Variants in C1QBP observed in about 807,000 individuals in gnomAD.
The protein encoded by C1QBP is complement C1q binding protein.
Under a neutral mutation model 29.4 loss-of-function variants are expected in C1QBP, and 24 were observed. That is an observed-to-expected ratio of 0.82 (90% CI 0.59 to 1.15). The LOEUF is 1.15. Ranked by LOEUF, C1QBP falls within the 50% of genes most tolerant of loss-of-function variation. The pLI is 0.00. For missense variants in C1QBP, 337 were observed against 355.8 expected, an observed-to-expected ratio of 0.95 and a Z score of 0.43; for synonymous variants, 182 against 149.2, an observed-to-expected ratio of 1.22 and a Z score of -1.60.
chr17:5,437,984 C>G, intron 2 of C1QBP, 139 bp downstream of exon 2: 1 of 1,216,996 alleles, frequency 8.2e-7, no homozygotes, highest in Non-Finnish European at 1.1e-6. Flanking sequence ...CGAAGTTGTC[C>G]AAATGAATCC....
intron 1 of C1QBP, 68 bp downstream of exon 1, chr17:5,438,774 G>C (rs1916341799): frequency 6.5e-7 from 1 of 1,543,962 alleles, no homozygotes; most frequent in Non-Finnish European, 8.7e-7. Flanking sequence ...TCGGTTGCAG[G>C]CCCTATTCCT....
chr17:5,432,793 A>G lies in C1QBP; in HGVS notation c.*222T>C, dbSNP rs533876489. On this transcript the variant is annotated 3_prime_UTR_variant, in exon 6 of 6. Coordinates refer to ENST00000225698, the MANE Select transcript of C1QBP (RefSeq NM_001212.4). The stretch of plus-strand genomic sequence containing the variant: ...CAAACTGCCTTGGAGGAGATAAACC[A>G]ATTTTATGTCTATCATGTTATACAA... 1.3e-6 allele frequency: 1 copy of G among 794,316 alleles called. No individual in the cohort carries two copies. The highest frequency in any genetic ancestry group is 1.7e-5 in the African/African-American group (1 of 57,492). 49.2% of individuals were successfully genotyped at this position (794,316 alleles called of 1,614,324 possible).
At chr17:5,433,918 A>G (rs1916184308) in intron 3 of C1QBP, 151 bp from the exon 4 acceptor site, 1 of 698,684 alleles carries the variant, frequency 1.4e-6, no homozygotes, top group African/African-American at 1.8e-5. Context: ...CCAAATGAAG[A>G]GCTTGATCTC....
chr17:5,432,892 G>T lies in C1QBP; in HGVS notation c.*123C>A. The T allele has an allele frequency of 8.7e-7, 1 of 1,146,090 alleles. No individual in the cohort carries two copies. The highest frequency in any genetic ancestry group is 1.2e-6 in the Non-Finnish European group (1 of 828,186). 71.0% of individuals were successfully genotyped at this position (1,146,090 alleles called of 1,614,324 possible). ...AACACAAAACATATAATTTAAATTTGGTATTTTTTCCCCCATGATATTAGG... is the reference window on the plus strand; with the variant it reads ...AACACAAAACATATAATTTAAATTTTGTATTTTTTCCCCCATGATATTAGG... On this transcript the variant is annotated 3_prime_UTR_variant, in exon 6 of 6. Transcript: ENST00000225698.
chr17:5,438,851 G>T lies in C1QBP; in HGVS notation c.223C>A (p.His75Asn), dbSNP rs763557151. ...GCCCGCTAAACCTCACCGTCGGTGTGCAGCGAGCCGCAGCCACAGCCACAG... is the reference window on the plus strand; with the variant it reads ...GCCCGCTAAACCTCACCGTCGGTGTTCAGCGAGCCGCAGCCACAGCCACAG... Reference protein sequence around the residue: ...CACGCGCGSLHTDGDKAFVDF... With the variant: ...CACGCGCGSLNTDGDKAFVDF... Residue 75 changes from histidine to asparagine, a missense_variant, in exon 1 of 6, where the codon CAC becomes AAC. Physicochemically the swap from His to Asn is moderately conservative, Grantham distance 68 (BLOSUM62 1). Transcript: ENST00000225698. 6.5e-7 allele frequency: 1 copy of T among 1,546,180 alleles called. No individual in the cohort carries two copies. Among genetic ancestry groups the T allele is most frequent in the South Asian group, 1.2e-5 (1 of 83,938 alleles).
intron 2 of C1QBP, among the ~76,000 whole-genome samples, chr17:5,436,094 G>T (rs183386510): frequency 6.7e-6 from 1 of 149,042 alleles, no homozygotes; most frequent in Non-Finnish European, 1.5e-5. Flanking sequence ...CTCCACTTGT[G>T]CTAACTAGCT....
chr17:5,436,970 G>A (rs1916289883), intron 2 of C1QBP, among the ~76,000 whole-genome samples: 1 of 152,158 alleles, frequency 6.6e-6, no homozygotes, highest in Non-Finnish European at 1.5e-5. Flanking sequence ...TCGCACCACT[G>A]CACTCCATCC....
At chr17:5,434,803 C>A in intron 3 of C1QBP, 70 bp downstream of exon 3, 2 of 1,377,372 alleles carry the variant, frequency 1.5e-6, no homozygotes, top group Non-Finnish European at 1.0e-6. Flanking sequence ...CAAAGAAAAA[C>A]GCTCCTCCTC....
At chr17:5,435,537 G>C (rs1244986141) in intron 2 of C1QBP, among the ~76,000 whole-genome samples, 2 of 152,152 alleles carry the variant, frequency 1.3e-5, no homozygotes, top group East Asian at 3.9e-4. Context: ...GGCTGTAGTA[G>C]AGACTCATCC....
Position 5,439,093 on chromosome 17 carries a change from A to G in C1QBP, c.-20T>C. ...CAGCATCGCGGAAACGACTGCGAACACGTGCAGATGCAAAGGACAACCCAG... is the reference window on the plus strand; with the variant it reads ...CAGCATCGCGGAAACGACTGCGAACGCGTGCAGATGCAAAGGACAACCCAG... On this transcript the variant is annotated 5_prime_UTR_variant, in exon 1 of 6. Transcript: ENST00000225698. 1 of 1,540,522 alleles carries G rather than the reference A, an allele frequency of 6.5e-7. No homozygotes were observed. Among genetic ancestry groups the G allele is most frequent in the Non-Finnish European group, 8.7e-7 (1 of 1,143,198 alleles).
In C1QBP at chr17:5,434,773, ATT is replaced by A. The variant is rs59609565; in HGVS notation, c.477+98_477+99del. 3.2e-3 allele frequency: 2,941 copies of A among 926,248 alleles called. 1 individual carries two copies. The highest frequency in any genetic ancestry group is 0.017 in the East Asian group (539 of 30,984). The allele number at this position is 926,248 out of a possible 1,614,324, so 57.4% of individuals were successfully genotyped here. ...GAGCCATGCGACTGGACTTAGAGGA[ATT>A]TTTTTTTTTTGAAAGACCAAAGAAA... On this transcript the variant is annotated intron_variant, in intron 3 of 5. Transcript: ENST00000225698.
rs576803401 is a variant in C1QBP at position 5,434,464 on chromosome 17, CTTTTTTT to C, written c.477+402_477+408del. Among the ~76,000 whole-genome samples, 52 of 97,848 alleles carry C rather than the reference CTTTTTTT, an allele frequency of 5.3e-4. No individual in the cohort carries two copies. The South Asian group carries it at 0.019, about 36-fold the overall frequency. 64.2% of individuals were successfully genotyped at this position (97,848 alleles called of 152,430 possible). On this transcript the variant is annotated intron_variant, in intron 3 of 5. Coordinates refer to ENST00000225698, the MANE Select transcript of C1QBP (RefSeq NM_001212.4). The stretch of plus-strand genomic sequence containing the variant: ...CTTATGCCCCTGCCATTCTCTCTCT[CTTTTTTT>C]TTTTTTTTTTTTTTTGAGACAGAGT...
At chr17:5,438,053 G>T in intron 2 of C1QBP, 70 bp downstream of exon 2, 1 of 1,538,766 alleles carries the variant, frequency 6.5e-7, no homozygotes. Flanking sequence ...GGCTCTTCTG[G>T]GGATGACCCA....
chr17:5,436,638 C>T (rs2151677428), intron 2 of C1QBP, among the ~76,000 whole-genome samples: 1 of 151,640 alleles, frequency 6.6e-6, no homozygotes, highest in Admixed American at 6.5e-5. Context: ...AAAAGGAAAC[C>T]CACAAGATGG....
chr17:5,438,740 GA>G, intron 1 of C1QBP, 101 bp downstream of exon 1: 3 of 1,541,370 alleles, frequency 1.9e-6, no homozygotes, highest in Non-Finnish European at 2.6e-6. Context: ...CCAATCAATG[GA>G]AAAATGTCCC....
At chr17:5,433,839 A>C (rs1916180782) in intron 3 of C1QBP, 72 bp from the exon 4 acceptor site, 1 of 1,313,622 alleles carries the variant, frequency 7.6e-7, no homozygotes, top group African/African-American at 1.4e-5. Context: ...ATCTCTGTTC[A>C]GAGTGTCTGA....
At position 5,434,928 on chromosome 17, in the gene C1QBP, G is replaced by T; in HGVS notation, c.422C>A (p.Pro141Gln). ...VTFNINNSIP[P>Q]TFDGEEEPSQ... ...GGGTTCCTCCTCACCATCAAATGTTGGTGGGATGCTGTTGTTAATGTTGAA... is the reference window on the plus strand; with the variant it reads ...GGGTTCCTCCTCACCATCAAATGTTTGTGGGATGCTGTTGTTAATGTTGAA... Residue 141 changes from proline (P) to glutamine (Q), a missense_variant, in exon 3 of 6, where the codon CCA becomes CAA. Physicochemically the swap from Pro to Gln is moderately conservative, Grantham distance 76 (BLOSUM62 -1). Transcript: ENST00000225698. 6.2e-7 allele frequency: 1 copy of T among 1,614,126 alleles called. No individual in the cohort carries two copies. The highest frequency in any genetic ancestry group is 1.1e-5 in the South Asian group (1 of 91,078).
chr17:5,432,899 T>C lies in C1QBP; in HGVS notation c.*116A>G, dbSNP rs1331230678. On this transcript the variant is annotated 3_prime_UTR_variant, in exon 6 of 6. Transcript: ENST00000225698. ...AACATATAATTTAAATTTGGTATTTTTTCCCCCATGATATTAGGATGATAA... is the reference window on the plus strand; with the variant it reads ...AACATATAATTTAAATTTGGTATTTCTTCCCCCATGATATTAGGATGATAA... 8 of 1,259,490 alleles carry C rather than the reference T, an allele frequency of 6.4e-6. No homozygotes were observed. Among genetic ancestry groups the C allele is most frequent in the Non-Finnish European group, 8.6e-6 (8 of 925,268 alleles). The allele number at this position is 1,259,490 out of a possible 1,614,324, so 78.0% of individuals were successfully genotyped here.
Position 5,438,881 on chromosome 17 carries a change from A to G in C1QBP, c.193T>C (p.Cys65Arg). The G allele has an allele frequency of 6.5e-7, 1 of 1,542,962 alleles. No homozygotes were observed. Among genetic ancestry groups the G allele is most frequent in the Non-Finnish European group, 8.7e-7 (1 of 1,144,310 alleles). The change falls in exon 1 of 6, where the codon TGC (cysteine) becomes CGC (arginine). Residue 65 changes from cysteine (C) to arginine (R), a missense_variant. Transcript: ENST00000225698. The stretch of plus-strand genomic sequence containing the variant: ...GAGCCGCAGCCACAGCCACAGGCGC[A>G]GGGTCCGCGAGGCCGCAGGAGGCCC... ...RPGLLRPRGP[C>R]ACGCGCGSLH...
Sources: allele counts gnomAD v4.1 joint callset (sites outside exome capture counted in the v4.1 genomes callset), GRCh38; gene constraint gnomAD v4.1.1; transcripts MANE v1.5; gene names NCBI Gene and HGNC (gene_info 2026-07-23, HGNC 2026-07-21).